Variants in DLGAP2 observed in about 807,000 individuals in gnomAD.
The protein encoded by DLGAP2 is disks large-associated protein 2.
A neutral mutation model predicts 100.3 loss-of-function variants in DLGAP2; 26 were observed. The observed-to-expected ratio is 0.26, with a 90% CI of 0.19 to 0.36. DLGAP2 has a LOEUF of 0.36. DLGAP2 is among the 10% of genes least tolerant of loss of function. The pLI is 1.00. For synonymous variants in DLGAP2, 886 were observed against 630.1 expected (o/e 1.41, Z -6.08); for missense variants, 1,858 against 1,453.2 (o/e 1.28, Z -4.53).
chr8:1,334,694 A>C (rs1003327120), intron 3 of DLGAP2, among the ~76,000 whole-genome samples: 1 of 152,144 alleles, frequency 6.6e-6, no homozygotes, highest in East Asian at 1.9e-4. Context: ...TCCAGGGTAA[A>C]CACCTCCACA....
intron 12 of DLGAP2, among the ~76,000 whole-genome samples, chr8:1,687,267 T>G (rs1799139658): frequency 6.6e-6 from 1 of 152,198 alleles, no homozygotes; most frequent in African/African-American, 2.4e-5. Flanking sequence ...TAGATAGAAT[T>G]GGAATTATAG....
chr8:867,301 T>C (rs890720590), intron 1 of DLGAP2, among the ~76,000 whole-genome samples: 1 of 152,242 alleles, frequency 6.6e-6, no homozygotes, highest in African/African-American at 2.4e-5. Context: ...AACTCAAGTA[T>C]GTATAATTAT....
chr8:1,116,189 C>T (rs1035137237), intron 2 of DLGAP2, among the ~76,000 whole-genome samples: 1 of 152,230 alleles, frequency 6.6e-6, no homozygotes, highest in Non-Finnish European at 1.5e-5. Context: ...GACACCCGCA[C>T]TGGCCTTCCG....
At chr8:745,192 A>G in intron 1 of DLGAP2, among the ~76,000 whole-genome samples, 1 of 152,370 alleles carries the variant, frequency 6.6e-6, no homozygotes, top group East Asian at 1.9e-4. Context: ...CTCTTTAAAA[A>G]TAATTTCCAT....
chr8:1,498,784 C>T (rs1799621956), intron 3 of DLGAP2, among the ~76,000 whole-genome samples: 1 of 152,220 alleles, frequency 6.6e-6, no homozygotes, highest in Admixed American at 6.5e-5. Flanking sequence ...GGAAGAGAAC[C>T]TCCAAGAAGG....
At chr8:804,776 C>CT (rs960125749) in intron 1 of DLGAP2, among the ~76,000 whole-genome samples, 9 of 151,902 alleles carry the variant, frequency 5.9e-5, no homozygotes, top group South Asian at 2.1e-4. Context: ...CATTTTATTT[C>CT]TTTTTTTTGG....
At chr8:1,432,207 A>G (rs2129998521) in intron 3 of DLGAP2, among the ~76,000 whole-genome samples, 1 of 152,338 alleles carries the variant, frequency 6.6e-6, no homozygotes, top group South Asian at 2.1e-4. Flanking sequence ...CCCATATTTC[A>G]TTGCTGTAAA....
At chr8:1,480,085 T>C (rs937292333) in intron 3 of DLGAP2, among the ~76,000 whole-genome samples, 1 of 152,034 alleles carries the variant, frequency 6.6e-6, no homozygotes, top group South Asian at 2.1e-4. Context: ...TGGCAGTGAG[T>C]CCCAGGGACG....
intron 1 of DLGAP2, among the ~76,000 whole-genome samples, chr8:873,277 A>C (rs1486569819): frequency 1.3e-5 from 2 of 152,186 alleles, no homozygotes; most frequent in African/African-American, 4.8e-5. Flanking sequence ...GCCATCAGGA[A>C]ATAGAGGTAG....
chr8:980,339 T>C (rs1417808196), intron 2 of DLGAP2, among the ~76,000 whole-genome samples: 2 of 152,194 alleles, frequency 1.3e-5, no homozygotes, highest in African/African-American at 4.8e-5. Flanking sequence ...CTTTGGGCTA[T>C]TGATGGCTGT....
chr8:793,696 C>G (rs113090223), intron 1 of DLGAP2, among the ~76,000 whole-genome samples: 2 of 152,184 alleles, frequency 1.3e-5, no homozygotes, highest in African/African-American at 2.4e-5. Flanking sequence ...ATAGATTTCC[C>G]TGACGGAGTC....
intron 6 of DLGAP2, among the ~76,000 whole-genome samples, chr8:1,605,372 G>A (rs1231957226): frequency 2.0e-5 from 3 of 152,122 alleles, no homozygotes; most frequent in South Asian, 2.1e-4. Context: ...CTCAGAGTGC[G>A]TGCCTCTGAG....
At chr8:928,690 C>T (rs796611383) in intron 2 of DLGAP2, among the ~76,000 whole-genome samples, 32 of 152,174 alleles carry the variant, frequency 2.1e-4, no homozygotes, top group African/African-American at 7.2e-4. Context: ...CCTTGCACCC[C>T]GGGTCAGGCG....
intron 2 of DLGAP2, among the ~76,000 whole-genome samples, chr8:1,063,509 T>A (rs368278953): frequency 1.4e-5 from 2 of 143,428 alleles, no homozygotes; most frequent in South Asian, 2.3e-4. Context: ...GCTTCTTGCC[T>A]TAGTATACTG....
chr8:977,042 A>T (rs1800182720), intron 2 of DLGAP2, among the ~76,000 whole-genome samples: 1 of 152,204 alleles, frequency 6.6e-6, no homozygotes. Context: ...TTACCTAATA[A>T]AATACATGGA....
intron 1 of DLGAP2, among the ~76,000 whole-genome samples, chr8:868,778 C>T (rs989510961): frequency 3.3e-5 from 5 of 152,144 alleles, no homozygotes; most frequent in East Asian, 1.9e-4. Flanking sequence ...AGGTGGATCA[C>T]GTGTTCATCT....
chr8:820,462 T>A lies in DLGAP2; in HGVS notation c.18+82637T>A, dbSNP rs1018453233. Among the ~76,000 whole-genome samples, 12 of 152,234 alleles carry A rather than the reference T, an allele frequency of 7.9e-5. 1 individual carries two copies. In the South Asian group the frequency reaches 1.5e-3, roughly 18 times the overall value. ...GTGTAGAATAGATAAGCATCCGGCA[T>A]ATGTAAAGAGTTCCTCGAAAGCAAT... On this transcript the variant is annotated intron_variant, in intron 1 of 14. Coordinates refer to ENST00000637795, the MANE Select transcript of DLGAP2 (RefSeq NM_001346810.2).
In DLGAP2 at chr8:1,551,809, T is replaced by C. The variant is rs914785085; in HGVS notation, c.1230+2126T>C. Among the ~76,000 whole-genome samples the C allele has an allele frequency of 2.6e-5, 4 of 152,310 alleles. No homozygotes were observed. In the South Asian group the frequency reaches 8.3e-4, roughly 32 times the overall value. ...TCCACACGGAATGATGAGTACGCTT[T>C]CTTTTGAAACATAACCACCTGCATT... is the stretch of plus-strand genomic sequence containing the variant. On this transcript the variant is annotated intron_variant, in intron 5 of 14. Transcript: ENST00000637795.
intron 2 of DLGAP2, among the ~76,000 whole-genome samples, chr8:1,257,770 GA>G (rs1457840679): frequency 6.6e-6 from 1 of 151,804 alleles, no homozygotes; most frequent in African/African-American, 2.4e-5. Context: ...GTGTCCTCCC[GA>G]GGGCCCGTGC....
Sources: allele counts gnomAD v4.1 joint callset (sites outside exome capture counted in the v4.1 genomes callset), GRCh38; gene constraint gnomAD v4.1.1; transcripts MANE v1.5; gene names NCBI Gene and HGNC (gene_info 2026-07-23, HGNC 2026-07-21).